Variants in PRIM2 observed in about 807,000 individuals in gnomAD.
PRIM2 encodes DNA primase large subunit.
In PRIM2, 39 loss-of-function variants were observed where a neutral mutation model predicts 67.3. That is an observed-to-expected ratio of 0.58 (90% CI 0.45 to 0.76). PRIM2 has a LOEUF of 0.76. PRIM2 is among the 30% of genes least tolerant of loss of function. The pLI is 0.00. For missense variants in PRIM2, 398 were observed against 598.7 expected, an observed-to-expected ratio of 0.66 and a Z score of 3.50; for synonymous variants, 143 against 198.7, an observed-to-expected ratio of 0.72 and a Z score of 2.36.
Position 57,530,853 on chromosome 6 carries a change from C to G in PRIM2, c.762-1558C>G, listed in dbSNP as rs1774873787. 2.0e-5 allele frequency among the ~76,000 whole-genome samples: 3 copies of G among 152,110 alleles called. No homozygotes were observed. In the South Asian group the frequency reaches 6.2e-4, roughly 32 times the overall value. On this transcript the variant is annotated intron_variant, in intron 8 of 13. Coordinates refer to ENST00000615550, the MANE Select transcript of PRIM2 (RefSeq NM_000947.5). ...GAGTAGCTGGTACTACAGGCACACACCACCATGCCTGGCCAATTTTTGTAT... is the reference window on the plus strand; with the variant it reads ...GAGTAGCTGGTACTACAGGCACACAGCACCATGCCTGGCCAATTTTTGTAT...
intron 8 of PRIM2, among the ~76,000 whole-genome samples, chr6:57,519,339 C>T (rs1390999166): frequency 1.3e-5 from 2 of 152,160 alleles, no homozygotes; most frequent in African/African-American, 4.8e-5. Flanking sequence ...AGCCTGGGAG[C>T]GCTATGGGAG....
chr6:57,406,213 T>G (rs1197025521), intron 7 of PRIM2, among the ~76,000 whole-genome samples: 1 of 152,154 alleles, frequency 6.6e-6, no homozygotes, highest in Non-Finnish European at 1.5e-5. Flanking sequence ...CCTTCTTAAA[T>G]TTTTTAAGTT....
At chr6:57,485,626 A>G (rs1422613406) in intron 7 of PRIM2, among the ~76,000 whole-genome samples, 1 of 152,206 alleles carries the variant, frequency 6.6e-6, no homozygotes, top group African/African-American at 2.4e-5. Context: ...ATGTATGTCT[A>G]TATGTTAGGA....
the PRIM2 span, among the ~76,000 whole-genome samples, chr6:57,257,165 T>G: frequency 0.24 from 35,828 of 152,104 alleles, 5,977 homozygotes; most frequent in African/African-American, 0.47. Flanking sequence ...AAGAGAAAGT[T>G]GAAGCAGGAC....
chr6:57,545,198 A>C (rs1775260331), intron 10 of PRIM2, among the ~76,000 whole-genome samples: 1 of 152,270 alleles, frequency 6.6e-6, no homozygotes, highest in Middle Eastern at 3.4e-3. Context: ...AGAATATACA[A>C]ATATACAAAT....
intron 10 of PRIM2, among the ~76,000 whole-genome samples, chr6:57,571,237 G>A (rs1775857384): frequency 1.3e-5 from 2 of 151,958 alleles, no homozygotes; most frequent in East Asian, 3.9e-4. Context: ...ATTAGAAATG[G>A]CATATCTTCT....
chr6:57,454,288 G>C (rs1244483867), intron 7 of PRIM2, among the ~76,000 whole-genome samples: 1 of 152,184 alleles, frequency 6.6e-6, no homozygotes, highest in African/African-American at 2.4e-5. Context: ...GTATGAGGAT[G>C]ATGCTGGCCT....
chr6:57,338,299 T>A (rs58482037), intron 5 of PRIM2, among the ~76,000 whole-genome samples: 19,271 of 152,016 alleles, frequency 0.13, 1,373 homozygotes, highest in African/African-American at 0.18. Flanking sequence ...ACTGGTACCA[T>A]TCCTTCTGAA....
chr6:57,505,879 T>C (rs1774241595), intron 7 of PRIM2, among the ~76,000 whole-genome samples: 2 of 152,156 alleles, frequency 1.3e-5, no homozygotes, highest in Non-Finnish European at 2.9e-5. Context: ...CTCTGTCTGC[T>C]CTGTTTTCAG....
At chr6:57,299,416 A>G in the PRIM2 span, among the ~76,000 whole-genome samples, 1 of 152,136 alleles carries the variant, frequency 6.6e-6, no homozygotes, top group Non-Finnish European at 1.5e-5. Flanking sequence ...TTCTATACCC[A>G]TGGTTCTTTC....
the PRIM2 span, among the ~76,000 whole-genome samples, chr6:57,306,808 T>C: frequency 3.9e-5 from 6 of 152,242 alleles, no homozygotes; most frequent in African/African-American, 4.8e-5. Context: ...ACTGACAGTA[T>C]GTACTCCAGT....
the PRIM2 span, among the ~76,000 whole-genome samples, chr6:57,295,167 C>A: frequency 1.3e-5 from 2 of 152,034 alleles, no homozygotes; most frequent in Admixed American, 1.3e-4. Flanking sequence ...GAAGAAGAAA[C>A]CTCTTTGTTT....
At chr6:57,452,690 T>G (rs1161609153) in intron 7 of PRIM2, among the ~76,000 whole-genome samples, 7 of 152,224 alleles carry the variant, frequency 4.6e-5, no homozygotes, top group African/African-American at 1.7e-4. Flanking sequence ...ATTAGCCCTT[T>G]GTCAGATGAA....
At chr6:57,326,536 C>CGTG (rs1767864207) in intron 5 of PRIM2, among the ~76,000 whole-genome samples, 1 of 152,042 alleles carries the variant, frequency 6.6e-6, no homozygotes, top group Non-Finnish European at 1.5e-5. Context: ...TCTTGACCAA[C>CGTG]ATAGTGAAAC....
At chr6:57,426,987 C>T (rs1453250936) in intron 7 of PRIM2, among the ~76,000 whole-genome samples, 1 of 152,050 alleles carries the variant, frequency 6.6e-6, no homozygotes, top group Non-Finnish European at 1.5e-5. Context: ...CTAGAGTAAG[C>T]TAGTAGAATG....
At chr6:57,290,121 T>C in the PRIM2 span, among the ~76,000 whole-genome samples, 1 of 88,058 alleles carries the variant, frequency 1.1e-5, no homozygotes, top group Non-Finnish European at 2.3e-5. Flanking sequence ...ACCAAGCAAA[T>C]AGAAAGAAAA....
intron 7 of PRIM2, chr6:57,383,625 C>T (rs1281894704): frequency 6.6e-6 from 1 of 150,708 alleles, no homozygotes; most frequent in Non-Finnish European, 1.5e-5. Context: ...TTTTTTTCCC[C>T]CCTCTGGATA....
At chr6:57,419,580 C>T (rs1771395361) in intron 7 of PRIM2, among the ~76,000 whole-genome samples, 1 of 151,944 alleles carries the variant, frequency 6.6e-6, no homozygotes, top group South Asian at 2.1e-4. Context: ...TGGGCTCCAG[C>T]CAAATACTCT....
At chr6:57,224,227 G>C in the PRIM2 span, among the ~76,000 whole-genome samples, 1 of 152,192 alleles carries the variant, frequency 6.6e-6, no homozygotes, top group Non-Finnish European at 1.5e-5. Flanking sequence ...CTTGAATCCA[G>C]GAGTTCAAGA....
Sources: allele counts gnomAD v4.1 joint callset (sites outside exome capture counted in the v4.1 genomes callset), GRCh38; gene constraint gnomAD v4.1.1; transcripts MANE v1.5; gene names NCBI Gene and HGNC (gene_info 2026-07-23, HGNC 2026-07-21).